CACNA2D1: variants seen among roughly 807,000 people sequenced by gnomAD.
CACNA2D1 encodes voltage-dependent calcium channel subunit alpha-2/delta-1.
Under a neutral mutation model 171.5 loss-of-function variants are expected in CACNA2D1, and 53 were observed. The observed-to-expected ratio is 0.31, with a 90% CI of 0.25 to 0.39. CACNA2D1 has a LOEUF of 0.39. Among genes scored for constraint, CACNA2D1 ranks in the 10% least tolerant of loss-of-function variants. CACNA2D1 has a pLI of 1.00. For missense variants in CACNA2D1, 903 were observed against 1,299.8 expected, an observed-to-expected ratio of 0.69 and a Z score of 4.69; for synonymous variants, 442 against 443.1, an observed-to-expected ratio of 1.00 and a Z score of 0.03.
intron 12 of CACNA2D1, among the ~76,000 whole-genome samples, chr7:82,025,191 G>A (rs1584458009): frequency 6.6e-6 from 1 of 151,524 alleles, no homozygotes; most frequent in African/African-American, 2.4e-5. Flanking sequence ...ATGCCATTGG[G>A]ATTTTGATGG....
intron 3 of CACNA2D1, among the ~76,000 whole-genome samples, chr7:82,316,371 A>C (rs942390677): frequency 3.3e-5 from 5 of 152,122 alleles, no homozygotes; most frequent in African/African-American, 1.2e-4. Context: ...CATTAATAAA[A>C]TTATTTCTTC....
chr7:82,115,037 G>A (rs1305131315), intron 6 of CACNA2D1, among the ~76,000 whole-genome samples: 1 of 152,098 alleles, frequency 6.6e-6, no homozygotes, highest in South Asian at 2.1e-4. Context: ...AATCATAAAA[G>A]ATTTCTAATA....
chr7:81,986,414 C>T (rs557277313), intron 21 of CACNA2D1, among the ~76,000 whole-genome samples: 1 of 151,860 alleles, frequency 6.6e-6, no homozygotes, highest in East Asian at 1.9e-4. Context: ...ATTTGTAGAT[C>T]TTCTGAATCA....
chr7:82,084,896 T>G lies in CACNA2D1; in HGVS notation c.531A>C (p.Thr177=). 1.2e-6 allele frequency: 2 copies of G among 1,612,632 alleles called. No homozygotes were observed. The highest frequency in any genetic ancestry group is 3.3e-4 in the Middle Eastern group (2 of 6,062). Residue 177 remains threonine, a synonymous_variant, in exon 7 of 39, where the codon ACA becomes ACC. Coordinates refer to ENST00000356860, the MANE Select transcript of CACNA2D1 (RefSeq NM_000722.4). ...TCCAGTTGAGTTCATTTAACACAATTGTTGCTAACAAAAAAGAGAGAAACC... is the reference window on the plus strand; with the variant it reads ...TCCAGTTGAGTTCATTTAACACAATGGTTGCTAACAAAAAAGAGAGAAACC... The part of the protein sequence containing the change: ...HIPTDIYEGS[T]IVLNELNWTS...
intron 1 of CACNA2D1, among the ~76,000 whole-genome samples, chr7:82,350,230 G>A (rs993916707): frequency 8.6e-5 from 13 of 151,890 alleles, no homozygotes; most frequent in East Asian, 1.9e-4. Flanking sequence ...TATTTTTAAT[G>A]GCCACTTAAT....
intron 3 of CACNA2D1, among the ~76,000 whole-genome samples, chr7:82,174,194 A>G (rs1233266743): frequency 6.6e-6 from 1 of 151,534 alleles, no homozygotes; most frequent in Non-Finnish European, 1.5e-5. Context: ...AAAACAGAAC[A>G]CTTTTCTGAT....
At chr7:81,992,199 A>C (rs1797620506) in intron 20 of CACNA2D1, among the ~76,000 whole-genome samples, 1 of 151,984 alleles carries the variant, frequency 6.6e-6, no homozygotes, top group South Asian at 2.1e-4. Context: ...CATCATTCTC[A>C]CCAAAACAGT....
At chr7:82,335,629 A>G (rs1019183005) in intron 2 of CACNA2D1, among the ~76,000 whole-genome samples, 1 of 152,110 alleles carries the variant, frequency 6.6e-6, no homozygotes, top group Admixed American at 6.5e-5. Flanking sequence ...GGGAGGTCAA[A>G]CCTGGAGGAG....
intron 3 of CACNA2D1, among the ~76,000 whole-genome samples, chr7:82,320,843 A>G (rs947422234): frequency 2.0e-5 from 3 of 147,390 alleles, no homozygotes; most frequent in Non-Finnish European, 4.5e-5. Context: ...AAAATAAACT[A>G]TCAGTAGGAG....
At chr7:82,003,359 C>T (rs567213910) in intron 18 of CACNA2D1, among the ~76,000 whole-genome samples, 1 of 151,870 alleles carries the variant, frequency 6.6e-6, no homozygotes, top group South Asian at 2.1e-4. Flanking sequence ...AGAAAAATAT[C>T]AATTGGGCTT....
At chr7:82,083,552 G>A (rs1016729882) in intron 7 of CACNA2D1, among the ~76,000 whole-genome samples, 4 of 151,852 alleles carry the variant, frequency 2.6e-5, no homozygotes, top group African/African-American at 7.3e-5. Flanking sequence ...ATTCCATAAA[G>A]GGAAAATTCC....
intron 38 of CACNA2D1, among the ~76,000 whole-genome samples, chr7:81,956,588 T>C (rs1208400133): frequency 3.9e-5 from 6 of 152,174 alleles, no homozygotes; most frequent in Non-Finnish European, 8.8e-5. Context: ...TACTTTGGCG[T>C]CTTTTGCCAT....
intron 1 of CACNA2D1, among the ~76,000 whole-genome samples, chr7:82,384,601 T>A (rs1160701348): frequency 1.3e-5 from 2 of 150,350 alleles, no homozygotes; most frequent in African/African-American, 4.9e-5. Context: ...AAAGGAGAAG[T>A]GAAGAAGAAG....
chr7:82,322,156 A>G (rs1373311045), intron 3 of CACNA2D1, among the ~76,000 whole-genome samples: 2 of 123,738 alleles, frequency 1.6e-5, no homozygotes, highest in Non-Finnish European at 3.4e-5. Context: ...AAAAAAAAAC[A>G]AGCTAAGCAA....
Position 82,273,413 on chromosome 7 carries a change from C to T in CACNA2D1, c.294+61722G>A, listed in dbSNP as rs573143223. Among the ~76,000 whole-genome samples the T allele has an allele frequency of 2.0e-5, 3 of 151,322 alleles. No individual in the cohort carries two copies. In the South Asian group the frequency reaches 6.2e-4, roughly 31 times the overall value. Reference sequence around the variant, plus strand: ...GTACTGGCATATACATACGATGTTGCCATTATGATTCTATTTTATATATTA... The same window carrying T: ...GTACTGGCATATACATACGATGTTGTCATTATGATTCTATTTTATATATTA... On this transcript the variant is annotated intron_variant, in intron 3 of 38. Transcript: ENST00000356860.
At chr7:82,064,161 C>T (rs1456731112) in intron 9 of CACNA2D1, 143 bp downstream of exon 9, 111 of 528,920 alleles carry the variant, frequency 2.1e-4, no homozygotes, top group Non-Finnish European at 1.7e-5. Context: ...GATATGGCTT[C>T]ATTGCCTGAA....
chr7:82,014,282 T>C lies in CACNA2D1; in HGVS notation c.1222+119A>G, dbSNP rs530165730. 3 of 673,028 alleles carry C rather than the reference T, an allele frequency of 4.5e-6. No homozygotes were observed. In the African/African-American group the frequency reaches 5.4e-5, roughly 12 times the overall value. 41.7% of individuals were successfully genotyped at this position (673,028 alleles called of 1,614,324 possible). A position where few individuals can be genotyped will look rare whatever the true frequency, so the allele number is the denominator to read the frequency against. Reference sequence around the variant, plus strand: ...TATAAAAACATGTTCAGAATCTTACTCTTGTCTGATTCCTATAAAAGTTAG... The same window carrying C: ...TATAAAAACATGTTCAGAATCTTACCCTTGTCTGATTCCTATAAAAGTTAG... On this transcript the variant is annotated intron_variant, in intron 13 of 38. Coordinates refer to ENST00000356860, the MANE Select transcript of CACNA2D1 (RefSeq NM_000722.4).
chr7:82,076,375 T>C (rs1208153743), intron 7 of CACNA2D1, among the ~76,000 whole-genome samples: 1 of 152,112 alleles, frequency 6.6e-6, no homozygotes, highest in Non-Finnish European at 1.5e-5. Flanking sequence ...CACCTCAAAC[T>C]TTACTGTTCT....
At chr7:82,097,517 A>T (rs1350176459) in intron 6 of CACNA2D1, among the ~76,000 whole-genome samples, 1 of 152,112 alleles carries the variant, frequency 6.6e-6, no homozygotes, top group Non-Finnish European at 1.5e-5. Flanking sequence ...AGAAAACAGG[A>T]AGCATGGTTT....
Sources: gnomAD v4.1 joint callset for allele counts (sites outside exome capture counted in the v4.1 genomes callset) on GRCh38, gnomAD v4.1.1 for gene constraint, MANE v1.5 for transcripts, NCBI Gene and HGNC (gene_info 2026-07-23, HGNC 2026-07-21) for gene names.